SLC25A48: variants seen among roughly 807,000 people sequenced by gnomAD.
The protein encoded by SLC25A48 is solute carrier family 25 member 48.
A neutral mutation model predicts 32.2 loss-of-function variants in SLC25A48; 29 were observed. The ratio of observed to expected loss-of-function variants is 0.90; its 90% CI spans 0.67 to 1.23. The LOEUF (loss-of-function observed/expected upper bound fraction) is 1.23. SLC25A48 is among the 50% of genes most tolerant of loss of function. SLC25A48 has a pLI of 0.00. For synonymous variants in SLC25A48, 164 were observed against 172.3 expected, an observed-to-expected ratio of 0.95 and a Z score of 0.38; for missense variants, 399 against 422.7, an observed-to-expected ratio of 0.94 and a Z score of 0.49.
At chr5:135,765,607 C>T (rs1011111538) in intron 3 of SLC25A48, among the ~76,000 whole-genome samples, 2 of 151,274 alleles carry the variant, frequency 1.3e-5, no homozygotes, top group African/African-American at 4.9e-5. Flanking sequence ...GTACACCCCC[C>T]TGTGATGTGA....
intron 3 of SLC25A48, among the ~76,000 whole-genome samples, 159 bp downstream of exon 3, chr5:135,850,655 T>C (rs1188830068): frequency 6.6e-6 from 1 of 152,186 alleles, no homozygotes; most frequent in Non-Finnish European, 1.5e-5. Context: ...ACACCTCAAA[T>C]ATTATGTGTT....
chr5:135,659,789 G>A (rs926367793), intron 3 of SLC25A48, among the ~76,000 whole-genome samples: 1 of 152,142 alleles, frequency 6.6e-6, no homozygotes, highest in Non-Finnish European at 1.5e-5. Flanking sequence ...TCTTCACATA[G>A]CAGCAGGAGA....
chr5:135,597,703 C>G (rs1298311985), intron 1 of SLC25A48, among the ~76,000 whole-genome samples: 2 of 152,170 alleles, frequency 1.3e-5, no homozygotes, highest in Non-Finnish European at 2.9e-5. Context: ...ATGTGTTGAG[C>G]TTTCCAAAGT....
chr5:135,888,007 A>G (rs1762796073), intron 7 of SLC25A48, 25 bp from the exon 8 acceptor site: 1 of 1,550,276 alleles, frequency 6.5e-7, no homozygotes, highest in African/African-American at 1.4e-5. Flanking sequence ...TTCTTCTCTG[A>G]GTCTGGGTTG....
At chr5:135,815,736 G>A (rs183437596) in intron 4 of SLC25A48, among the ~76,000 whole-genome samples, 12 of 152,324 alleles carry the variant, frequency 7.9e-5, no homozygotes, top group East Asian at 3.9e-4. Flanking sequence ...GAAGGGATAC[G>A]TGTAGTCAGT....
chr5:135,664,488 A>G (rs1221080442), intron 3 of SLC25A48, among the ~76,000 whole-genome samples: 1 of 152,224 alleles, frequency 6.6e-6, no homozygotes, highest in Non-Finnish European at 1.5e-5. Context: ...TTTTGGTTAC[A>G]TAAATGAATT....
rs1383837561 is a variant in SLC25A48, at chr5:135,759,434, C to G, written c.-520-53089C>G. 9.9e-5 allele frequency among the ~76,000 whole-genome samples: 15 copies of G among 152,276 alleles called. No homozygotes were observed. In the East Asian group the frequency reaches 2.7e-3, roughly 27 times the overall value. ...TCCCTGACTTCTGCTACTACAAGCA[C>G]TGGTGCAATAAATATCTTTTCTCGT... On this transcript the variant is annotated intron_variant, in intron 3 of 10. Transcript: ENST00000646290.
chr5:135,654,742 G>A (rs1029968283), intron 3 of SLC25A48, among the ~76,000 whole-genome samples: 26 of 152,190 alleles, frequency 1.7e-4, no homozygotes, highest in African/African-American at 6.3e-4. Flanking sequence ...ATCTGGGTGG[G>A]CCTTGTCCAA....
intron 3 of SLC25A48, among the ~76,000 whole-genome samples, chr5:135,699,531 G>A (rs777530583): frequency 2.0e-5 from 3 of 152,198 alleles, no homozygotes; most frequent in Non-Finnish European, 2.9e-5. Context: ...GGAGCAAGGA[G>A]GCAGAGCGTG....
At chr5:135,723,159 C>T (rs1366404651) in intron 3 of SLC25A48, among the ~76,000 whole-genome samples, 1 of 152,224 alleles carries the variant, frequency 6.6e-6, no homozygotes, top group East Asian at 1.9e-4. Context: ...ATTCCAAAGT[C>T]TGGCGCCCCA....
chr5:135,668,458 G>A (rs932104066), intron 3 of SLC25A48, among the ~76,000 whole-genome samples: 5 of 152,216 alleles, frequency 3.3e-5, no homozygotes, highest in Non-Finnish European at 5.9e-5. Context: ...CCTGTTGTCA[G>A]TGACTTGAGG....
intron 4 of SLC25A48, among the ~76,000 whole-genome samples, chr5:135,861,573 G>A (rs1048016394): frequency 2.6e-5 from 4 of 152,194 alleles, no homozygotes; most frequent in Admixed American, 2.6e-4. Context: ...TATAGAAAAT[G>A]TGAAATAAAT....
chr5:135,727,967 C>T (rs1026397391), intron 3 of SLC25A48, among the ~76,000 whole-genome samples: 6 of 152,022 alleles, frequency 3.9e-5, no homozygotes, highest in South Asian at 2.1e-4. Context: ...TTTAAGGGAA[C>T]GTGGCTGGCC....
intron 2 of SLC25A48, among the ~76,000 whole-genome samples, chr5:135,630,646 G>C (rs1261255095): frequency 8.4e-6 from 1 of 119,510 alleles, no homozygotes; most frequent in Non-Finnish European, 1.6e-5. Context: ...CTGTCTCCCA[G>C]GCTGGAGTGC....
upstream of SLC25A48, among the ~76,000 whole-genome samples, chr5:135,832,708 G>T (rs1445306144): frequency 6.6e-6 from 1 of 152,184 alleles, no homozygotes; most frequent in Non-Finnish European, 1.5e-5. Flanking sequence ...AATTGCTGTG[G>T]CCTGAAAGGG....
intron 3 of SLC25A48, among the ~76,000 whole-genome samples, chr5:135,653,593 C>T (rs572015419): frequency 2.6e-5 from 4 of 152,232 alleles, no homozygotes; most frequent in South Asian, 2.1e-4. Context: ...GTGATAGAGA[C>T]GAGGAGTGTA....
At chr5:135,800,953 G>A (rs1399710371) in intron 3 of SLC25A48, among the ~76,000 whole-genome samples, 1 of 151,128 alleles carries the variant, frequency 6.6e-6, no homozygotes, top group Admixed American at 6.6e-5. Flanking sequence ...GGAGGAGAGG[G>A]TTATAACACT....
chr5:135,789,774 C>T (rs900594684), intron 3 of SLC25A48, among the ~76,000 whole-genome samples: 12 of 151,834 alleles, frequency 7.9e-5, no homozygotes, highest in East Asian at 3.9e-4. Context: ...TTGTACCTTG[C>T]GATATGGGGA....
chr5:135,832,622 C>T (rs1229797243), upstream of SLC25A48, among the ~76,000 whole-genome samples: 1 of 152,098 alleles, frequency 6.6e-6, no homozygotes, highest in Admixed American at 6.5e-5. Flanking sequence ...CTCTGTGTAG[C>T]ATCTCAGATG....
Sources: allele counts gnomAD v4.1 joint callset (sites outside exome capture counted in the v4.1 genomes callset), GRCh38; gene constraint gnomAD v4.1.1; transcripts MANE v1.5; gene names NCBI Gene and HGNC (gene_info 2026-07-23, HGNC 2026-07-21).